Variants in KCNJ5 observed in about 807,000 individuals in gnomAD.
KCNJ5 encodes the protein potassium inwardly rectifying channel subfamily J member 5, also known as G protein-activated inward rectifier potassium channel 4.
KCNJ5 carries 12 observed loss-of-function variants against 20.2 expected under a neutral mutation model. The observed-to-expected ratio is 0.59, with a 90% confidence interval of 0.38 to 0.96. KCNJ5 has a LOEUF of 0.96. KCNJ5 is among the 40% of genes least tolerant of loss of function. KCNJ5 has a pLI of 0.00. For missense variants in KCNJ5, 449 were observed against 557.6 expected, an observed-to-expected ratio of 0.81 and a Z score of 1.96; for synonymous variants, 210 against 213.9, an observed-to-expected ratio of 0.98 and a Z score of 0.16.
chr11:128,910,881 C>T (rs952302513), intron 1 of KCNJ5, among the ~76,000 whole-genome samples: 6 of 152,086 alleles, frequency 3.9e-5, no homozygotes, highest in African/African-American at 1.2e-4. Flanking sequence ...ATTGCTGTGG[C>T]GATAAGAAGC....
intron 1 of KCNJ5, among the ~76,000 whole-genome samples, chr11:128,899,129 A>G (rs1944224348): frequency 6.6e-6 from 1 of 152,178 alleles, no homozygotes; most frequent in South Asian, 2.1e-4. Flanking sequence ...GTGTGAGTCA[A>G]GGGCCACTCA....
At chr11:128,902,233 G>A (rs1944296114) in intron 1 of KCNJ5, 2 of 405,194 alleles carry the variant, frequency 4.9e-6, no homozygotes, top group Non-Finnish European at 9.1e-6. Flanking sequence ...CTCACCGCTG[G>A]TAATCAGCAT....
Position 128,912,127 on chromosome 11 carries a change from CT to C in KCNJ5, c.857del (p.Phe286SerfsTer20). ...TCCCATGAGATCAACCAGAAGAGCC[CT>C]TTCTGGGAGATGTCTCAGGCTCAGC... The part of the protein sequence containing the change: ...IISHEINQKS[P>X]FWEMSQAQLH... On this transcript the variant is annotated frameshift_variant, in exon 2 of 3. Coordinates refer to ENST00000529694, the MANE Select transcript of KCNJ5 (RefSeq NM_000890.5). LOFTEE classifies it high-confidence loss of function. The C allele has an allele frequency of 6.2e-7, 1 of 1,612,980 alleles. No homozygotes were observed. The highest frequency in any genetic ancestry group is 8.5e-7 in the Non-Finnish European group (1 of 1,179,994).
At chr11:128,914,246 G>A (rs1402006373) in intron 2 of KCNJ5, among the ~76,000 whole-genome samples, 2 of 152,216 alleles carry the variant, frequency 1.3e-5, no homozygotes, top group Non-Finnish European at 2.9e-5. Context: ...TAGCACACCT[G>A]ACCACTCTCC....
At chr11:128,904,322 GCCTC>G in intron 1 of KCNJ5, 1 of 1,479,854 alleles carries the variant, frequency 6.8e-7, no homozygotes, top group Non-Finnish European at 9.2e-7. Flanking sequence ...CTGCACCCTG[GCCTC>G]TCTCTCACTC....
At position 128,920,362 on chromosome 11, in the gene KCNJ5, C is replaced by A. The variant is rs1433492262; in HGVS notation, c.*3631C>A. On this transcript the variant is annotated 3_prime_UTR_variant, in exon 3 of 3. Transcript: ENST00000529694. The stretch of plus-strand genomic sequence containing the variant: ...CCTTGCTGGAGAAGAGGAGCCCCTG[C>A]CATCTGGGGAGCACTGTCCCTGCTC... 1 of 152,452 alleles carries A rather than the reference C, an allele frequency of 6.6e-6. No individual in the cohort carries two copies. Among genetic ancestry groups the A allele is most frequent in the East Asian group, 1.9e-4 (1 of 5,208 alleles). 9.4% of individuals were successfully genotyped at this position (152,452 alleles called of 1,614,324 possible). A position where few individuals can be genotyped will look rare whatever the true frequency, so the allele number is the denominator to read the frequency against.
At position 128,920,763 on chromosome 11, in the gene KCNJ5, T is replaced by G. The variant is rs1403372375; in HGVS notation, c.*4032T>G. 2 of 152,244 alleles carry G rather than the reference T, an allele frequency of 1.3e-5. No individual in the cohort carries two copies. The highest frequency in any genetic ancestry group is 4.8e-5 in the African/African-American group (2 of 41,448). 9.4% of individuals were successfully genotyped at this position (152,244 alleles called of 1,614,324 possible). On this transcript the variant is annotated 3_prime_UTR_variant, in exon 3 of 3. Transcript: ENST00000529694. The stretch of plus-strand genomic sequence containing the variant: ...CCTCCCAAACAAACAGCCGGGGCCG[T>G]GGTCCTGCCTAAACTCTCACATCCA...
At position 128,911,639 on chromosome 11, in the gene KCNJ5, C is replaced by T. The variant is rs375205252; in HGVS notation, c.366C>T (p.Gly122=). 67 of 1,614,044 alleles carry T rather than the reference C, an allele frequency of 4.2e-5. 1 individual carries two copies. Among genetic ancestry groups the T allele is most frequent in the South Asian group, 2.9e-4 (26 of 91,080 alleles). ...TCCGGGGTGACCTGGACCATGTTGG[C>T]GACCAAGAGTGGATTCCTTGTGTTG... ...AYIRGDLDHV[G]DQEWIPCVEN... is the part of the protein sequence containing the mutation. Residue 122 remains glycine (G), a synonymous_variant, in exon 2 of 3, where the codon GGC becomes GGT. Transcript: ENST00000529694. This position sits in a 1 kb window ranked among gnomAD's most constrained non-coding sequence, Gnocchi z 6.3.
In KCNJ5 at chr11:128,911,451, TGCAACGTGCACCACG is replaced by T; in HGVS notation, c.186_200del (p.His63_Val67del). The stretch of plus-strand genomic sequence containing the variant: ...GCGCTACATGGAGAAGAGTGGCAAG[TGCAACGTGCACCACG>T]GCAACGTCCAGGAGACCTACCGGTA... On this transcript the variant is annotated inframe_deletion, in exon 2 of 3. Transcript: ENST00000529694. This position sits in a 1 kb window ranked among gnomAD's most constrained non-coding sequence, Gnocchi z 6.3. The T allele has an allele frequency of 6.2e-7, 1 of 1,614,250 alleles. No homozygotes were observed. Among genetic ancestry groups the T allele is most frequent in the South Asian group, 1.1e-5 (1 of 91,092 alleles).
intron 1 of KCNJ5, among the ~76,000 whole-genome samples, chr11:128,892,512 AC>A (rs1944110742): frequency 6.6e-6 from 1 of 152,150 alleles, no homozygotes; most frequent in African/African-American, 2.4e-5. Context: ...CCAGCCCAAA[AC>A]CTGTTCCAGG....
At chr11:128,905,171 G>C (rs1167697520) in intron 1 of KCNJ5, among the ~76,000 whole-genome samples, 2 of 152,180 alleles carry the variant, frequency 1.3e-5, no homozygotes, top group Non-Finnish European at 2.9e-5. Context: ...ACCCGCTGGC[G>C]GGGAGTCCCC....
intron 1 of KCNJ5, among the ~76,000 whole-genome samples, chr11:128,893,279 G>A (rs991231636): frequency 5.3e-5 from 8 of 152,124 alleles, no homozygotes; most frequent in African/African-American, 1.7e-4. Context: ...GGGGCACAGC[G>A]TATGTGCTTC....
intron 1 of KCNJ5, among the ~76,000 whole-genome samples, chr11:128,898,361 T>C (rs878935301): frequency 8.5e-5 from 13 of 152,268 alleles, no homozygotes; most frequent in African/African-American, 3.1e-4. Flanking sequence ...CAGTTCTTTT[T>C]GCTCTGCCAT....
At position 128,918,840 on chromosome 11, in the gene KCNJ5, C is replaced by G. The variant is rs1416013293; in HGVS notation, c.*2109C>G. The G allele has an allele frequency of 6.6e-6, 1 of 152,390 alleles. No homozygotes were observed. The highest frequency in any genetic ancestry group is 1.5e-5 in the Non-Finnish European group (1 of 68,204). The allele number at this position is 152,390 out of a possible 1,614,324, so 9.4% of individuals were successfully genotyped here. On this transcript the variant is annotated 3_prime_UTR_variant, in exon 3 of 3. Coordinates refer to ENST00000529694, the MANE Select transcript of KCNJ5 (RefSeq NM_000890.5). The stretch of plus-strand genomic sequence containing the variant: ...TTGAGAGGTGGGCAGGGTCTTCCCA[C>G]CAGTGGCAGGGTGTGCAGTTGTGGT...
chr11:128,906,513 G>A (rs1944418544), intron 1 of KCNJ5, among the ~76,000 whole-genome samples: 1 of 152,156 alleles, frequency 6.6e-6, no homozygotes, highest in Admixed American at 6.5e-5. Flanking sequence ...ATTCTCATGT[G>A]GAACTCAGGG....
At chr11:128,903,010 G>A (rs1944317385) in intron 1 of KCNJ5, among the ~76,000 whole-genome samples, 2 of 152,134 alleles carry the variant, frequency 1.3e-5, no homozygotes, top group African/African-American at 4.8e-5. Context: ...AGCAAAGGGA[G>A]GATCTTGCAG....
At position 128,919,251 on chromosome 11, in the gene KCNJ5, T is replaced by A. The variant is rs932561234; in HGVS notation, c.*2520T>A. 1 of 152,396 alleles carries A rather than the reference T, an allele frequency of 6.6e-6. No individual in the cohort carries two copies. Among genetic ancestry groups the A allele is most frequent in the African/African-American group, 2.4e-5 (1 of 41,464 alleles). 9.4% of individuals were successfully genotyped at this position (152,396 alleles called of 1,614,324 possible). Reference sequence around the variant, plus strand: ...CCCCACACCTGCCTTCATTTATGACTCTGAAACATCCCCCACCTGACCAAG... The same window carrying A: ...CCCCACACCTGCCTTCATTTATGACACTGAAACATCCCCCACCTGACCAAG... On this transcript the variant is annotated 3_prime_UTR_variant, in exon 3 of 3. Transcript: ENST00000529694.
In KCNJ5 at chr11:128,891,380, G is replaced by A. The variant is rs1337938430; in HGVS notation, c.-352G>A. On this transcript the variant is annotated 5_prime_UTR_variant, in exon 1 of 3. Transcript: ENST00000529694. ...CATTTGTACCAGGGACGGAGGGAGA[G>A]AGGAGAGGGAGGAGGGGACACACAC... is the stretch of plus-strand genomic sequence containing the variant. 6.6e-6 allele frequency: 1 copy of A among 152,540 alleles called. No individual in the cohort carries two copies. The highest frequency in any genetic ancestry group is 6.6e-5 in the Admixed American group (1 of 15,078). The allele number at this position is 152,540 out of a possible 1,614,324, so 9.4% of individuals were successfully genotyped here.
chr11:128,904,190 C>T (rs1022191689), intron 1 of KCNJ5, among the ~76,000 whole-genome samples: 7 of 152,220 alleles, frequency 4.6e-5, no homozygotes, highest in African/African-American at 1.7e-4. Flanking sequence ...GCTATTATTA[C>T]TGTTTGCTCC....
Sources: gnomAD v4.1 joint callset for allele counts (sites outside exome capture counted in the v4.1 genomes callset) on GRCh38, gnomAD v4.1.1 for gene constraint, Gnocchi (gnomAD v3.1) non-coding constraint, MANE v1.5 for transcripts, NCBI Gene and HGNC (gene_info 2026-07-23, HGNC 2026-07-21) for gene names.